Variants in FREM2 observed in about 807,000 individuals in gnomAD.
The protein encoded by FREM2 is FRAS1-related extracellular matrix protein 2.
In FREM2, 119 loss-of-function variants were observed where a neutral mutation model predicts 219.9. The observed-to-expected ratio is 0.54, with a 90% confidence interval of 0.47 to 0.63. FREM2 has a LOEUF of 0.63. Among genes scored for constraint, FREM2 ranks in the 30% least tolerant of loss-of-function variants. FREM2 has a pLI of 0.00. For synonymous variants in FREM2, 1,562 were observed against 1,522.8 expected, an observed-to-expected ratio of 1.03 and a Z score of -0.60; for missense variants, 4,030 against 3,993.6, an observed-to-expected ratio of 1.01 and a Z score of -0.25.
At position 38,692,034 on chromosome 13, in the gene FREM2, C is replaced by T. The variant is rs1332245606; in HGVS notation, c.4690C>T (p.Pro1564Ser). 6.2e-7 allele frequency: 1 copy of T among 1,614,228 alleles called. No homozygotes were observed. Among genetic ancestry groups the T allele is most frequent in the African/African-American group, 1.3e-5 (1 of 75,062 alleles). ...FELTVEDRDT[P>S]DKLLKFTITQ... Reference sequence around the variant, plus strand: ...GCTCACTGTCGAAGACAGAGATACTCCTGACAAGCTCCTGAAATTCACTAT... The same window carrying T: ...GCTCACTGTCGAAGACAGAGATACTTCTGACAAGCTCCTGAAATTCACTAT... The change falls in exon 1 of 24, where the codon CCT (proline) becomes TCT (serine). Residue 1564 changes from proline to serine, a missense_variant. By Grantham distance (74) the Pro-to-Ser change is moderately conservative. Coordinates refer to ENST00000280481, the MANE Select transcript of FREM2 (RefSeq NM_207361.6).
intron 15 of FREM2, among the ~76,000 whole-genome samples, chr13:38,861,768 G>A (rs1877772094): frequency 6.6e-6 from 1 of 152,138 alleles, no homozygotes; most frequent in Non-Finnish European, 1.5e-5. Context: ...GTTAAAATTA[G>A]GTAGATGTAA....
At chr13:38,877,524 T>G (rs1003412651) in intron 21 of FREM2, among the ~76,000 whole-genome samples, 1 of 152,108 alleles carries the variant, frequency 6.6e-6, no homozygotes, top group Non-Finnish European at 1.5e-5. Flanking sequence ...TTTCAATCTG[T>G]GTAAACTTAA....
chr13:38,861,341 G>C, intron 14 of FREM2, 90 bp from the exon 15 acceptor site: 1 of 1,375,680 alleles, frequency 7.3e-7, no homozygotes. Flanking sequence ...AAAGTACACA[G>C]AAAAATAATA....
intron 6 of FREM2, among the ~76,000 whole-genome samples, chr13:38,812,916 CA>C (rs370609021): frequency 2.2e-3 from 302 of 137,648 alleles, no homozygotes; most frequent in African/African-American, 4.6e-3. Context: ...GAAAAACAAG[CA>C]AAAAAAAAAA....
chr13:38,831,225 G>C (rs535865999), intron 6 of FREM2, among the ~76,000 whole-genome samples: 4 of 152,098 alleles, frequency 2.6e-5, no homozygotes, highest in Non-Finnish European at 5.9e-5. Flanking sequence ...AGAAGGCAGG[G>C]AACTCAATAG....
At chr13:38,879,001 G>T in intron 23 of FREM2, 24 bp downstream of exon 23, 1 of 1,612,970 alleles carries the variant, frequency 6.2e-7, no homozygotes, top group African/African-American at 1.3e-5. Flanking sequence ...AAGCTCATTT[G>T]TAGTAGTTGT....
rs967646248 is a variant in FREM2 at position 38,851,766 on chromosome 13, C to G, written c.6823C>G (p.Pro2275Ala). 5.0e-6 allele frequency: 8 copies of G among 1,613,460 alleles called. No homozygotes were observed. In the African/African-American group the frequency reaches 9.4e-5, roughly 19 times the overall value. ...EPGESVVIRI[P>A]VIRQGDTSKV... ...TGGAGAGTCGGTGGTTATAAGAATTCCAGTGATTCGCCAAGGAGACACTTC... is the reference window on the plus strand; with the variant it reads ...TGGAGAGTCGGTGGTTATAAGAATTGCAGTGATTCGCCAAGGAGACACTTC... Residue 2275 changes from proline to alanine, a missense_variant, in exon 11 of 24, where the codon CCA (proline) becomes GCA (alanine). Physicochemically the swap from Pro to Ala is conservative, Grantham distance 27 (BLOSUM62 -1). Around this residue, in one of 2 missense-constraint regions of FREM2, gnomAD observed 3,102 missense variants for 2,950.7 expected, o/e 1.05. Transcript: ENST00000280481.
chr13:38,792,197 A>C, intron 6 of FREM2, among the ~76,000 whole-genome samples: 1 of 151,950 alleles, frequency 6.6e-6, no homozygotes, highest in East Asian at 1.9e-4. Context: ...AAATACAAAA[A>C]ACTTAGCCGG....
intron 3 of FREM2, among the ~76,000 whole-genome samples, chr13:38,767,376 G>T (rs371807941): frequency 5.9e-5 from 9 of 152,286 alleles, no homozygotes; most frequent in East Asian, 1.9e-4. Flanking sequence ...ATATCAGATG[G>T]TATTGCAACT....
Position 38,687,311 on chromosome 13 carries a change from C to G in FREM2, c.-34C>G, listed in dbSNP as rs756404904. 9.5e-6 allele frequency: 15 copies of G among 1,573,072 alleles called. No homozygotes were observed. The highest frequency in any genetic ancestry group is 1.3e-5 in the Non-Finnish European group (15 of 1,159,230). ...CCCGGGGACCGACTTCGCATGCTCT[C>G]AGGCTGACCTGTCCAAGCCCGAACA... On this transcript the variant is annotated 5_prime_UTR_variant, in exon 1 of 24. An upstream open reading frame in the 5' UTR gains an earlier in-frame stop. Coordinates refer to ENST00000280481, the MANE Select transcript of FREM2 (RefSeq NM_207361.6).
chr13:38,739,569 C>T (rs1404965624), intron 2 of FREM2, among the ~76,000 whole-genome samples: 1 of 152,076 alleles, frequency 6.6e-6, no homozygotes, highest in East Asian at 1.9e-4. Flanking sequence ...TATGAGCTCA[C>T]CCTGATCATC....
rs1878537927 is a variant in FREM2 at position 38,881,219 on chromosome 13, G to A, written c.*432G>A. On this transcript the variant is annotated 3_prime_UTR_variant, in exon 24 of 24. Transcript: ENST00000280481. ...TGTATAACAGATTATTACTAGAAAG[G>A]TTTTTGTTGCTAGTCTGGAAAACTG... The A allele has an allele frequency of 1.3e-5, 3 of 229,672 alleles. No homozygotes were observed. The South Asian group carries it at 1.8e-4, about 14-fold the overall frequency. 14.2% of individuals were successfully genotyped at this position (229,672 alleles called of 1,614,324 possible).
chr13:38,743,252 A>G (rs1455260978), intron 2 of FREM2, among the ~76,000 whole-genome samples: 2 of 152,074 alleles, frequency 1.3e-5, no homozygotes, highest in African/African-American at 4.8e-5. Flanking sequence ...CTCATTCTGT[A>G]TAGTACATTC....
intron 2 of FREM2, among the ~76,000 whole-genome samples, chr13:38,733,661 C>G (rs548001405): frequency 1.3e-5 from 2 of 152,164 alleles, no homozygotes; most frequent in African/African-American, 4.8e-5. Context: ...CTTTGTCTTA[C>G]TGTTTATTTT....
chr13:38,817,782 G>T (rs185712839), intron 6 of FREM2, among the ~76,000 whole-genome samples: 24 of 152,186 alleles, frequency 1.6e-4, no homozygotes, highest in Admixed American at 1.3e-3. Context: ...CCTACAGAAT[G>T]GGAGAAAATA....
chr13:38,757,398 C>A (rs983040535), intron 2 of FREM2, among the ~76,000 whole-genome samples: 3 of 152,104 alleles, frequency 2.0e-5, no homozygotes, highest in Non-Finnish European at 4.4e-5. Flanking sequence ...CACACTTGAT[C>A]TCAATTCAGT....
intron 13 of FREM2, 108 bp downstream of exon 13, chr13:38,858,141 A>G (rs1877629863): frequency 1.0e-6 from 1 of 980,666 alleles, no homozygotes; most frequent in African/African-American, 1.6e-5. Context: ...GTAGAAAAAT[A>G]CTACATGGTT....
At chr13:38,724,854 T>C (rs1871449250) in intron 2 of FREM2, among the ~76,000 whole-genome samples, 1 of 152,126 alleles carries the variant, frequency 6.6e-6, no homozygotes, top group African/African-American at 2.4e-5. Context: ...TCTCAAAAAA[T>C]TCTGAGATTT....
At chr13:38,718,186 A>G (rs1485962638) in intron 2 of FREM2, among the ~76,000 whole-genome samples, 2 of 152,196 alleles carry the variant, frequency 1.3e-5, no homozygotes, top group Non-Finnish European at 2.9e-5. Flanking sequence ...GTTGTTTTTA[A>G]TGATTGCTTT....
Sources: gnomAD v4.1 joint callset for allele counts (sites outside exome capture counted in the v4.1 genomes callset) on GRCh38, gnomAD v4.1.1 for gene constraint, gnomAD v4.1.1 regional missense constraint, MANE v1.5 for transcripts, NCBI Gene and HGNC (gene_info 2026-07-23, HGNC 2026-07-21) for gene names.